The following APP variants were observed in gnomAD, a reference collection of about 807,000 sequenced individuals.
APP encodes the protein amyloid beta precursor protein.
A neutral mutation model predicts 101.4 loss-of-function variants in APP; 31 were observed. The observed-to-expected ratio is 0.31, with a 90% CI of 0.23 to 0.41. APP has a LOEUF of 0.41. APP is among the 10% of genes least tolerant of loss of function. The pLI, the probability that APP is intolerant of heterozygous loss-of-function variation, is 1.00. For missense variants in APP, 839 were observed against 1,003.7 expected (o/e 0.84, Z 2.22); for synonymous variants, 366 against 364.4 (o/e 1.00, Z -0.05).
chr21:26,063,335 T>C (rs1249065944), intron 3 of APP, among the ~76,000 whole-genome samples: 3 of 152,224 alleles, frequency 2.0e-5, no homozygotes. Flanking sequence ...ATACATTGCC[T>C]TGCTCTATCA....
intron 3 of APP, among the ~76,000 whole-genome samples, chr21:26,058,073 T>G (rs1351493642): frequency 6.6e-6 from 1 of 152,166 alleles, no homozygotes; most frequent in African/African-American, 2.4e-5. Flanking sequence ...CTGCAGATAT[T>G]CCATGATGCC....
chr21:25,988,841 G>A (rs780827362), intron 8 of APP, among the ~76,000 whole-genome samples: 4 of 74,066 alleles, frequency 5.4e-5, no homozygotes, highest in Admixed American at 1.3e-4. Context: ...CCAAAATGCT[G>A]TATTACCTCA....
At chr21:25,971,672 A>T (rs2042037396) in intron 11 of APP, among the ~76,000 whole-genome samples, 1 of 152,174 alleles carries the variant, frequency 6.6e-6, no homozygotes, top group Non-Finnish European at 1.5e-5. Flanking sequence ...AACTGAAGCC[A>T]GGGGGAAAAT....
At chr21:25,976,447 T>G (rs45468294) in intron 9 of APP, among the ~76,000 whole-genome samples, 2,769 of 152,292 alleles carry the variant, frequency 0.018, 88 homozygotes, top group African/African-American at 0.063. Flanking sequence ...ATATTTTGAC[T>G]TTAAAGAAAA....
intron 11 of APP, among the ~76,000 whole-genome samples, chr21:25,972,423 G>A (rs216770): frequency 1 from 152,346 of 152,346 alleles, 76,173 homozygotes; most frequent in Non-Finnish European, 1. Flanking sequence ...CAGTGAAAGA[G>A]AAACCTCAAT....
chr21:26,019,615 CA>C (rs1398328627), intron 6 of APP, among the ~76,000 whole-genome samples: 3 of 152,200 alleles, frequency 2.0e-5, no homozygotes, highest in African/African-American at 7.2e-5. Flanking sequence ...CATGGCCTAG[CA>C]AAATGGCTTG....
At position 26,062,122 on chromosome 21, in the gene APP, A is replaced by T. The variant is rs141609431; in HGVS notation, c.356-8774T>A. ...CTACTCGGGAGGCTGAGGCCGAAGA[A>T]TCTCCCGAACCAGGGAGGCGGAGGT... On this transcript the variant is annotated intron_variant, in intron 3 of 17. Transcript: ENST00000346798. 5.1e-4 allele frequency among the ~76,000 whole-genome samples: 77 copies of T among 152,116 alleles called. 1 individual carries two copies. The highest frequency in any genetic ancestry group is 1.7e-3 in the African/African-American group (71 of 41,508).
At chr21:26,059,827 G>C (rs1165477263) in intron 3 of APP, among the ~76,000 whole-genome samples, 3 of 147,658 alleles carry the variant, frequency 2.0e-5, no homozygotes, top group Admixed American at 6.9e-5. Context: ...GGAGGTGGAG[G>C]TTGCAGTGAG....
intron 1 of APP, among the ~76,000 whole-genome samples, chr21:26,135,199 T>C (rs1309432363): frequency 6.6e-6 from 1 of 152,192 alleles, no homozygotes; most frequent in Non-Finnish European, 1.5e-5. Flanking sequence ...TAGAAGTACT[T>C]TCTTAAATTG....
At chr21:26,055,742 A>C (rs2046015402) in intron 3 of APP, among the ~76,000 whole-genome samples, 1 of 152,228 alleles carries the variant, frequency 6.6e-6, no homozygotes, top group African/African-American at 2.4e-5. Flanking sequence ...TAACTACTGG[A>C]AAGATTAAAT....
chr21:26,104,763 C>T (rs1241721889), intron 2 of APP, among the ~76,000 whole-genome samples: 3 of 152,158 alleles, frequency 2.0e-5, no homozygotes, highest in African/African-American at 4.8e-5. Flanking sequence ...TTAAGCTATG[C>T]ACCAACATGT....
chr21:26,136,139 A>AAAAAAAAAAG (rs1555882124), intron 1 of APP, among the ~76,000 whole-genome samples: 2 of 74,824 alleles, frequency 2.7e-5, no homozygotes, highest in African/African-American at 1.2e-4. Context: ...TCAAAAAAGA[A>AAAAAAAAAAG]AAAAGAAAAG....
intron 1 of APP, among the ~76,000 whole-genome samples, chr21:26,163,576 T>A (rs2063545143): frequency 6.6e-6 from 1 of 152,218 alleles, no homozygotes; most frequent in South Asian, 2.1e-4. Context: ...TCACTGTATC[T>A]ACTGTAATCA....
chr21:25,958,044 T>C (rs1468040653), intron 11 of APP, among the ~76,000 whole-genome samples: 2 of 152,076 alleles, frequency 1.3e-5, no homozygotes, highest in African/African-American at 2.4e-5. Context: ...TCATCATAAC[T>C]TCTTTTTTTC....
chr21:26,142,699 G>A (rs1463312517), intron 1 of APP, among the ~76,000 whole-genome samples: 1 of 152,024 alleles, frequency 6.6e-6, no homozygotes, highest in African/African-American at 2.4e-5. Flanking sequence ...AGCCCAGGAA[G>A]CCGAGGCTGC....
chr21:25,995,945 T>G (rs1205893740), intron 8 of APP, among the ~76,000 whole-genome samples: 9 of 94,450 alleles, frequency 9.5e-5, no homozygotes, highest in Non-Finnish European at 2.0e-4. Context: ...GAGATGAGGG[T>G]TTTTTTTTTT....
At chr21:26,042,939 A>C (rs1456219671) in intron 5 of APP, among the ~76,000 whole-genome samples, 1 of 152,100 alleles carries the variant, frequency 6.6e-6, no homozygotes, top group Middle Eastern at 3.2e-3. Context: ...ACTTTAATAT[A>C]GTATCTGGAA....
At chr21:26,104,109 G>T (rs965400078) in intron 2 of APP, among the ~76,000 whole-genome samples, 1 of 152,128 alleles carries the variant, frequency 6.6e-6, no homozygotes, top group African/African-American at 2.4e-5. Context: ...GGAGAAAAAG[G>T]CAAGCTCTTT....
At chr21:26,015,811 G>T (rs897200211) in intron 6 of APP, among the ~76,000 whole-genome samples, 1 of 152,180 alleles carries the variant, frequency 6.6e-6, no homozygotes, top group African/African-American at 2.4e-5. Context: ...TTACTGAAAA[G>T]GCCAGATAGT....
Sources: gnomAD v4.1 joint callset for allele counts (sites outside exome capture counted in the v4.1 genomes callset) on GRCh38, gnomAD v4.1.1 for gene constraint, MANE v1.5 for transcripts, NCBI Gene and HGNC (gene_info 2026-07-23, HGNC 2026-07-21) for gene names.